Variants in ABCB1 observed in about 807,000 individuals in gnomAD.
ABCB1 encodes the protein ATP-dependent translocase ABCB1.
ABCB1 carries 69 observed loss-of-function variants against 142.0 expected under a neutral mutation model. The ratio of observed to expected loss-of-function variants is 0.49; its 90% CI spans 0.40 to 0.59. The LOEUF (loss-of-function observed/expected upper bound fraction) is 0.59. ABCB1 is among the 20% of genes least tolerant of loss of function. The pLI, the probability that ABCB1 is intolerant of heterozygous loss-of-function variation, is 0.00. For missense variants in ABCB1, 1,326 were observed against 1,554.7 expected, an observed-to-expected ratio of 0.85 and a Z score of 2.47; for synonymous variants, 532 against 539.2, an observed-to-expected ratio of 0.99 and a Z score of 0.18.
intron 1 of ABCB1, among the ~76,000 whole-genome samples, chr7:87,677,544 T>A (rs1385665051): frequency 6.6e-6 from 1 of 152,002 alleles, no homozygotes; most frequent in Non-Finnish European, 1.5e-5. Context: ...GGGGAGATAT[T>A]GGTCAAAGGG....
At chr7:87,532,140 T>C (rs1452749348) in intron 20 of ABCB1, among the ~76,000 whole-genome samples, 2 of 152,142 alleles carry the variant, frequency 1.3e-5, no homozygotes, top group African/African-American at 4.8e-5. Flanking sequence ...GTAAACCAGA[T>C]TTCCAACTCT....
At chr7:87,672,684 G>A (rs530015161) in intron 1 of ABCB1, among the ~76,000 whole-genome samples, 3 of 152,250 alleles carry the variant, frequency 2.0e-5, no homozygotes, top group African/African-American at 4.8e-5. Flanking sequence ...CTGTGAGACC[G>A]AAGGCCCTGG....
At chr7:87,629,997 T>A (rs1353983201) in intron 1 of ABCB1, among the ~76,000 whole-genome samples, 1 of 152,176 alleles carries the variant, frequency 6.6e-6, no homozygotes, top group East Asian at 1.9e-4. Context: ...TGATATATTT[T>A]CTTTAAGTCT....
chr7:87,688,878 G>T (rs1470208110), intron 1 of ABCB1, among the ~76,000 whole-genome samples: 1 of 151,860 alleles, frequency 6.6e-6, no homozygotes, highest in African/African-American at 2.4e-5. Flanking sequence ...TATTTATAAT[G>T]AAATATAGAC....
At chr7:87,664,663 G>A (rs968536533) in intron 1 of ABCB1, among the ~76,000 whole-genome samples, 21 of 152,190 alleles carry the variant, frequency 1.4e-4, no homozygotes, top group Admixed American at 5.2e-4. Flanking sequence ...ATAGAGGTGC[G>A]TATATGAATT....
chr7:87,641,158 T>A (rs1822414403), intron 1 of ABCB1, among the ~76,000 whole-genome samples: 1 of 152,218 alleles, frequency 6.6e-6, no homozygotes, highest in Admixed American at 6.5e-5. Context: ...TTTAGTACTA[T>A]CATGTTTACC....
rs1815258384 is a variant in ABCB1, at chr7:87,516,561, A to C, written c.3032T>G (p.Ile1011Ser). ...GTCAATCAAAGGGGTTTTTTCAATG[A>C]TCATGATGATGTGGGCTGCTGATAT... is the stretch of plus-strand genomic sequence containing the variant. ...AKISAAHIIM[I>S]IEKTPLIDSY... is the part of the protein sequence containing the mutation. The change falls in exon 24 of 28, where the codon ATC becomes AGC. Residue 1011 changes from isoleucine (I) to serine (S), a missense_variant. Transcript: ENST00000622132. The C allele has an allele frequency of 6.2e-7, 1 of 1,614,080 alleles. No homozygotes were observed. The highest frequency in any genetic ancestry group is 1.1e-5 in the South Asian group (1 of 91,090).
At chr7:87,626,044 A>G (rs1820429094) in intron 1 of ABCB1, among the ~76,000 whole-genome samples, 2 of 143,718 alleles carry the variant, frequency 1.4e-5, no homozygotes, top group Non-Finnish European at 3.0e-5. Context: ...AGAGAGAGAG[A>G]GATGGAGTCT....
At chr7:87,581,670 C>A (rs1226864345) in intron 4 of ABCB1, among the ~76,000 whole-genome samples, 2 of 152,130 alleles carry the variant, frequency 1.3e-5, no homozygotes, top group Non-Finnish European at 2.9e-5. Flanking sequence ...AGAAAACTTA[C>A]AAGGGTTCTA....
chr7:87,578,003 G>C (rs988574451), intron 4 of ABCB1, among the ~76,000 whole-genome samples: 5 of 152,158 alleles, frequency 3.3e-5, no homozygotes, highest in African/African-American at 4.8e-5. Flanking sequence ...CCAATCTAAT[G>C]TCCTAGAGAG....
At position 87,634,268 on chromosome 7, in the gene ABCB1, A is replaced by G. The variant is rs550260131; in HGVS notation, c.-330-33190T>C. ...ATCACATTGGAGATCAAATTTCAACATGTCATTTGATGGGGGCAGACCAAC... is the reference window on the plus strand; with the variant it reads ...ATCACATTGGAGATCAAATTTCAACGTGTCATTTGATGGGGGCAGACCAAC... On this transcript the variant is annotated intron_variant, in intron 1 of 28. Coordinates refer to the ABCB1 transcript ENST00000265724. Among the ~76,000 whole-genome samples the G allele has an allele frequency of 4.6e-5, 7 of 152,156 alleles. No individual in the cohort carries two copies. In the South Asian group the frequency reaches 1.5e-3, roughly 32 times the overall value.
At chr7:87,558,814 C>G (rs756197321) in intron 8 of ABCB1, among the ~76,000 whole-genome samples, 2 of 151,842 alleles carry the variant, frequency 1.3e-5, no homozygotes, top group East Asian at 3.9e-4. Flanking sequence ...TCATGCTTTT[C>G]CCCTTACATC....
At chr7:87,517,741 T>G (rs1427893859) in intron 23 of ABCB1, among the ~76,000 whole-genome samples, 1 of 152,224 alleles carries the variant, frequency 6.6e-6, no homozygotes, top group Non-Finnish European at 1.5e-5. Flanking sequence ...ATGTTGCTCT[T>G]AAGATGCATT....
At chr7:87,515,735 C>T (rs1478516195) in intron 24 of ABCB1, among the ~76,000 whole-genome samples, 3 of 151,838 alleles carry the variant, frequency 2.0e-5, no homozygotes, top group Non-Finnish European at 2.9e-5. Flanking sequence ...GGATTACAGG[C>T]GTGTGCCACC....
At chr7:87,526,871 T>C (rs1815805196) in intron 21 of ABCB1, among the ~76,000 whole-genome samples, 2 of 152,292 alleles carry the variant, frequency 1.3e-5, no homozygotes, top group South Asian at 4.1e-4. Flanking sequence ...TATCTATAGA[T>C]ATGGACTCAT....
At chr7:87,583,068 G>A (rs186085723) in intron 4 of ABCB1, among the ~76,000 whole-genome samples, 2 of 152,100 alleles carry the variant, frequency 1.3e-5, no homozygotes, top group African/African-American at 4.8e-5. Context: ...ACAGAATTTT[G>A]TAAAGAAGAA....
At chr7:87,700,662 C>A in intron 1 of ABCB1, 1 of 1,035,324 alleles carries the variant, frequency 9.7e-7, no homozygotes, top group Non-Finnish European at 1.4e-6. Context: ...TCTTAAGAAG[C>A]ATAATAAAAT....
At chr7:87,527,019 C>T (rs532307885) in intron 21 of ABCB1, among the ~76,000 whole-genome samples, 7 of 152,064 alleles carry the variant, frequency 4.6e-5, no homozygotes, top group African/African-American at 1.7e-4. Context: ...GCACTTTCGA[C>T]TGCATTAAAA....
At chr7:87,640,188 A>ATG (rs1822281980) in intron 1 of ABCB1, among the ~76,000 whole-genome samples, 1 of 147,800 alleles carries the variant, frequency 6.8e-6, no homozygotes, top group African/African-American at 2.5e-5. Context: ...TTATATATAT[A>ATG]TGTGTATATA....
Sources: allele counts gnomAD v4.1 joint callset (sites outside exome capture counted in the v4.1 genomes callset), GRCh38; gene constraint gnomAD v4.1.1; transcripts MANE v1.5; gene names NCBI Gene and HGNC (gene_info 2026-07-23, HGNC 2026-07-21).